WHAMM: variants seen among roughly 807,000 people sequenced by gnomAD.
WHAMM encodes the protein WASP homolog associated with actin, golgi membranes and microtubules, also known as WASP homolog-associated protein with actin, membranes and microtubules.
Under a neutral mutation model 76.5 loss-of-function variants are expected in WHAMM, and 67 were observed. The ratio of observed to expected loss-of-function variants is 0.88; its 90% confidence interval spans 0.72 to 1.07. The LOEUF (loss-of-function observed/expected upper bound fraction) is 1.07, where lower values mean the gene tolerates loss of function less well. WHAMM is among the 50% of genes least tolerant of loss of function. WHAMM has a pLI of 0.00. For missense variants in WHAMM, 1,021 were observed against 1,051.1 expected (o/e 0.97, Z 0.40); for synonymous variants, 419 against 422.1 (o/e 0.99, Z 0.09).
intron 3 of WHAMM, among the ~76,000 whole-genome samples, chr15:82,817,178 T>C (rs1453989073): frequency 6.6e-6 from 1 of 151,976 alleles, no homozygotes; most frequent in Non-Finnish European, 1.5e-5. Flanking sequence ...GAAGGGTAAA[T>C]GGAAGTTGAG....
chr15:82,818,685 C>A (rs1486526675), intron 4 of WHAMM, among the ~76,000 whole-genome samples: 1 of 152,180 alleles, frequency 6.6e-6, no homozygotes, highest in Non-Finnish European at 1.5e-5. Flanking sequence ...GCAGAAAACA[C>A]TGTAAACACC....
chr15:82,816,930 G>C, intron 3 of WHAMM, 88 bp downstream of exon 3: 1 of 1,313,042 alleles, frequency 7.6e-7, no homozygotes, highest in Non-Finnish European at 1.0e-6. Context: ...TACGCACTAG[G>C]TACTATGTTT....
intron 6 of WHAMM, among the ~76,000 whole-genome samples, chr15:82,825,239 A>G (rs547118215): frequency 1.3e-5 from 2 of 152,354 alleles, no homozygotes; most frequent in South Asian, 4.1e-4. Context: ...TTGAAGATAT[A>G]CAGGCATTTG....
In WHAMM at chr15:82,826,829, TTGAGA is replaced by T; in HGVS notation, c.1626_1630del (p.Leu542PhefsTer3). 2 of 1,548,276 alleles carry T rather than the reference TTGAGA, an allele frequency of 1.3e-6. No homozygotes were observed. Among genetic ancestry groups the T allele is most frequent in the Non-Finnish European group, 1.7e-6 (2 of 1,146,596 alleles). Reference sequence around the variant, plus strand: ...AGAACGTCAAAAAACACTCCAACGATTGAGATCATTTAAAGATGTAAGTTCTATAA... The same window carrying T: ...AGAACGTCAAAAAACACTCCAACGATTCATTTAAAGATGTAAGTTCTATAA... On this transcript the variant is annotated frameshift_variant, in exon 8 of 10. Coordinates refer to ENST00000286760, the MANE Select transcript of WHAMM (RefSeq NM_001080435.3). LOFTEE classifies it high-confidence loss of function.
Position 82,831,053 on chromosome 15 carries a change from A to C in WHAMM, c.2096A>C (p.Asp699Ala), listed in dbSNP as rs2051025272. 1 of 1,607,862 alleles carries C rather than the reference A, an allele frequency of 6.2e-7. No homozygotes were observed. The highest frequency in any genetic ancestry group is 8.5e-7 in the Non-Finnish European group (1 of 1,179,574). Residue 699 changes from aspartate to alanine, a missense_variant, in exon 9 of 10, where the codon GAC becomes GCC. Around this residue, in one of 3 missense-constraint regions of WHAMM, gnomAD observed 509 missense variants for 492.3 expected, o/e 1.03. Transcript: ENST00000286760. ...GAATCACCTGCTGAGCGACCACGTG[A>C]CTCCTTGGAAAGTTTTTCATGTCCA... ...VCESPAERPR[D>A]SLESFSCPGS...
chr15:82,810,393 G>T, intron 1 of WHAMM, 58 bp downstream of exon 1: 1 of 1,244,974 alleles, frequency 8.0e-7, no homozygotes, highest in Non-Finnish European at 1.0e-6. Context: ...GGACACTGTG[G>T]GAGGCTCCCC....
chr15:82,810,084 TG>T lies in WHAMM; in HGVS notation c.362del (p.Gly121ValfsTer95). 8.1e-7 allele frequency: 1 copy of T among 1,237,150 alleles called. No homozygotes were observed. The highest frequency in any genetic ancestry group is 1.0e-6 in the Non-Finnish European group (1 of 992,240). The allele number at this position is 1,237,150 out of a possible 1,614,324, so 76.6% of individuals were successfully genotyped here. ...GCTGGACGTGGGCGGCGGCGGGGCC[TG>T]GGGTCTGGGGCTCGGGCTGTGGGCG... ...PELDVGGGGAWGLGLGLWALL... is the reference protein window; with the variant it reads ...PELDVGGGGAXGLGLGLWALL... On this transcript the variant is annotated frameshift_variant, in exon 1 of 10. Transcript: ENST00000286760. LOFTEE classifies it high-confidence loss of function.
intron 6 of WHAMM, 99 bp from the exon 7 acceptor site, chr15:82,826,311 T>TA (rs1233150010): frequency 7.8e-7 from 1 of 1,283,534 alleles, no homozygotes; most frequent in African/African-American, 1.5e-5. Flanking sequence ...ATGAATGCCT[T>TA]ACACTATAGC....
At chr15:82,815,117 A>ATATATATATG (rs2050700400) in intron 2 of WHAMM, among the ~76,000 whole-genome samples, 1 of 16,258 alleles carries the variant, frequency 6.2e-5, no homozygotes, top group African/African-American at 6.2e-4. Context: ...GATTTTATAT[A>ATATATATATG]TATATATATA....
intron 2 of WHAMM, among the ~76,000 whole-genome samples, chr15:82,813,824 C>A (rs1041759264): frequency 1.3e-5 from 2 of 150,804 alleles, no homozygotes; most frequent in Non-Finnish European, 3.0e-5. Context: ...GCCCAGCTAA[C>A]TTTTTTTGTA....
In WHAMM at chr15:82,809,975, G is replaced by C; in HGVS notation, c.249G>C (p.Ser83=). 3.1e-6 allele frequency: 4 copies of C among 1,304,436 alleles called. No homozygotes were observed. The highest frequency in any genetic ancestry group is 2.9e-6 in the Non-Finnish European group (3 of 1,027,148). 80.8% of individuals were successfully genotyped at this position (1,304,436 alleles called of 1,614,324 possible). A position where few individuals can be genotyped will look rare whatever the true frequency, so the allele number is the denominator to read the frequency against. The change falls in exon 1 of 10, where the codon TCG becomes TCC. Residue 83 remains serine, a synonymous_variant. Transcript: ENST00000286760. ...CGTCCAGCTGGGCCGGCCTGCTCTC[G>C]GCCGCGGGGCTCCGCGGCGCGCACC... ...VSPSSWAGLL[S]AAGLRGAHRQ... is the part of the protein sequence containing the mutation.
In WHAMM at chr15:82,809,693, C is replaced by A. The variant is rs377475257; in HGVS notation, c.-34C>A. 2.2e-4 allele frequency: 291 copies of A among 1,350,934 alleles called. 6 individuals carry two copies. In the East Asian group the frequency reaches 5.2e-3, roughly 24 times the overall value. 83.7% of individuals were successfully genotyped at this position (1,350,934 alleles called of 1,614,324 possible). ...CGGTGCGAGGAGGCCAGGCCCGCGC[C>A]CGCCGAGCCCTAGGGCCGCTGCTGC... On this transcript the variant is annotated 5_prime_UTR_variant, in exon 1 of 10. Transcript: ENST00000286760.
chr15:82,813,473 T>C (rs2050664852), intron 2 of WHAMM, among the ~76,000 whole-genome samples, 197 bp downstream of exon 2: 1 of 152,090 alleles, frequency 6.6e-6, no homozygotes, highest in Non-Finnish European at 1.5e-5. Context: ...GCTCAAGCAG[T>C]CTGTCCACCT....
intron 1 of WHAMM, among the ~76,000 whole-genome samples, chr15:82,810,977 G>A (rs946454944): frequency 1.8e-4 from 28 of 152,080 alleles, no homozygotes; most frequent in African/African-American, 6.8e-4. Flanking sequence ...TTCACAGAAG[G>A]GTTTAGGAGA....
chr15:82,811,760 G>T (rs985616626), intron 1 of WHAMM, among the ~76,000 whole-genome samples: 4 of 152,016 alleles, frequency 2.6e-5, no homozygotes, highest in Non-Finnish European at 5.9e-5. Flanking sequence ...GAATTTTTCT[G>T]AATAGTTTAA....
chr15:82,813,148 A>G lies in WHAMM; in HGVS notation c.655A>G (p.Asn219Asp). 2 of 1,608,932 alleles carry G rather than the reference A, an allele frequency of 1.2e-6. No homozygotes were observed. The highest frequency in any genetic ancestry group is 2.2e-5 in the East Asian group (1 of 44,846). The change falls in exon 2 of 10, where the codon AAC (asparagine) becomes GAC (aspartate). Residue 219 changes from asparagine (N) to aspartate (D), a missense_variant. Asn to Asp is a conservative substitution (Grantham distance 23, BLOSUM62 1). Coordinates refer to ENST00000286760, the MANE Select transcript of WHAMM (RefSeq NM_001080435.3). ...GKANTMVALM[N>D]VYQEEDEAYQ... ...AGCCAACACCATGGTAGCATTAATG[A>G]ACGTTTACCAAGAGGAAGATGAAGC...
chr15:82,833,540 C>G lies in WHAMM; in HGVS notation c.*4C>G. On this transcript the variant is annotated 3_prime_UTR_variant, in exon 10 of 10. Transcript: ENST00000286760. Reference sequence around the variant, plus strand: ...CCCTGGCCAGTGGGATGGTTAGGCTCAAGTTTGACAAAGGCACCTGCCACA... The same window carrying G: ...CCCTGGCCAGTGGGATGGTTAGGCTGAAGTTTGACAAAGGCACCTGCCACA... The G allele has an allele frequency of 6.2e-7, 1 of 1,611,326 alleles. No homozygotes were observed. The highest frequency in any genetic ancestry group is 8.5e-7 in the Non-Finnish European group (1 of 1,178,766).
Position 82,833,270 on chromosome 15 carries a change from G to A in WHAMM, c.2164G>A (p.Ala722Thr), listed in dbSNP as rs1208666877. 2.6e-5 allele frequency: 42 copies of A among 1,614,024 alleles called. No individual in the cohort carries two copies. The highest frequency in any genetic ancestry group is 3.5e-5 in the Non-Finnish European group (41 of 1,179,898). Reference protein sequence around the residue: ...EVLASLRHGRAPLRKVEVPAV... With the variant: ...EVLASLRHGRTPLRKVEVPAV... Reference sequence around the variant, plus strand: ...GTTGGCCTCCTTAAGGCATGGCAGAGCTCCTCTCCGGAAGGTGGAAGTGCC... The same window carrying A: ...GTTGGCCTCCTTAAGGCATGGCAGAACTCCTCTCCGGAAGGTGGAAGTGCC... The change falls in exon 10 of 10, where the codon GCT becomes ACT. Residue 722 changes from alanine to threonine, a missense_variant. Around this residue, in one of 3 missense-constraint regions of WHAMM, gnomAD observed 509 missense variants for 492.3 expected, o/e 1.03. Coordinates refer to ENST00000286760, the MANE Select transcript of WHAMM (RefSeq NM_001080435.3).
At chr15:82,825,297 C>A (rs1035750413) in intron 6 of WHAMM, among the ~76,000 whole-genome samples, 11 of 152,158 alleles carry the variant, frequency 7.2e-5, no homozygotes, top group Non-Finnish European at 1.5e-4. Context: ...GGAAGACTCT[C>A]CTTTGGCACT....
Sources: gnomAD v4.1 joint callset for allele counts (sites outside exome capture counted in the v4.1 genomes callset) on GRCh38, gnomAD v4.1.1 for gene constraint, gnomAD v4.1.1 regional missense constraint, MANE v1.5 for transcripts, NCBI Gene and HGNC (gene_info 2026-07-23, HGNC 2026-07-21) for gene names.